The following NAMPT variants were observed in gnomAD, a reference collection of about 807,000 sequenced individuals.
The protein encoded by NAMPT is nicotinamide phosphoribosyltransferase, also known as NAmPRTase.
Under a neutral mutation model 58.7 loss-of-function variants are expected in NAMPT, and 7 were observed. The observed-to-expected ratio is 0.12, with a 90% CI of 0.07 to 0.22. NAMPT has a LOEUF of 0.22. NAMPT is among the 10% of genes least tolerant of loss of function. The pLI is 1.00. For missense variants in NAMPT, 271 were observed against 567.9 expected, an observed-to-expected ratio of 0.48 and a Z score of 5.31; for synonymous variants, 145 against 198.1, an observed-to-expected ratio of 0.73 and a Z score of 2.25.
intron 1 of NAMPT, among the ~76,000 whole-genome samples, chr7:106,277,479 AAGAG>A (rs1181266756): frequency 1.3e-5 from 2 of 152,152 alleles, no homozygotes; most frequent in South Asian, 4.1e-4. Context: ...CATCCAGGCG[AAGAG>A]AGAGAGAAGC....
chr7:106,271,595 C>CT (rs1474906979), intron 4 of NAMPT, among the ~76,000 whole-genome samples: 1 of 151,678 alleles, frequency 6.6e-6, no homozygotes, highest in Non-Finnish European at 1.5e-5. Flanking sequence ...TTAACTGTAC[C>CT]TTTTTTTTGA....
intron 6 of NAMPT, among the ~76,000 whole-genome samples, chr7:106,266,250 AG>A (rs1792405574): frequency 6.6e-6 from 1 of 152,242 alleles, no homozygotes; most frequent in African/African-American, 2.4e-5. Flanking sequence ...AATCAATATG[AG>A]ACCATAAAAA....
At chr7:106,258,660 G>GTT (rs1459684776) in intron 8 of NAMPT, among the ~76,000 whole-genome samples, 2 of 152,166 alleles carry the variant, frequency 1.3e-5, no homozygotes, top group East Asian at 3.9e-4. Flanking sequence ...GCATATAAAA[G>GTT]TTATGTTTAT....
upstream of NAMPT, chr7:106,285,550 C>T: frequency 1.0e-6 from 1 of 985,998 alleles, no homozygotes; most frequent in Middle Eastern, 5.2e-4. Context: ...CCTTTGTCTC[C>T]GGCCTGGATT....
At chr7:106,253,406 T>A in intron 9 of NAMPT, 1 of 377,650 alleles carries the variant, frequency 2.6e-6, no homozygotes. Flanking sequence ...TAATACTCCA[T>A]TTGTAGGAAG....
Position 106,261,611 on chromosome 7 carries a change from C to T in NAMPT, c.1066G>A (p.Val356Ile), listed in dbSNP as rs1178297020. Residue 356 changes from valine to isoleucine, a missense_variant, in exon 8 of 11, where the codon GTA becomes ATA. Around this residue, in one of 4 missense-constraint regions of NAMPT, gnomAD observed 143 missense variants for 331.1 expected, o/e 0.43. Coordinates refer to ENST00000222553, the MANE Select transcript of NAMPT (RefSeq NM_005746.3). ...PYLRVIQGDG[V>I]DINTLQEIVE... ...ACCTCTTGTAAGGTATTAATATCTA[C>T]TCCATCCCCTTGAATAACTCTAAGA... 39 of 1,584,290 alleles carry T rather than the reference C, an allele frequency of 2.5e-5. No homozygotes were observed. The highest frequency in any genetic ancestry group is 3.4e-5 in the Non-Finnish European group (39 of 1,153,254).
At chr7:106,253,887 G>A (rs1009470773) in intron 9 of NAMPT, among the ~76,000 whole-genome samples, 1 of 152,094 alleles carries the variant, frequency 6.6e-6, no homozygotes, top group Admixed American at 6.6e-5. Context: ...CTCTCAAGAC[G>A]TTACAAAGAA....
intron 9 of NAMPT, chr7:106,253,372 T>G: frequency 6.2e-6 from 3 of 481,404 alleles, no homozygotes; most frequent in Non-Finnish European, 1.1e-5. Context: ...ATCTTGGATA[T>G]CCTTTTTGCC....
intron 3 of NAMPT, 73 bp downstream of exon 3, chr7:106,274,873 A>G: frequency 9.9e-7 from 1 of 1,012,754 alleles, no homozygotes; most frequent in Non-Finnish European, 1.5e-6. Flanking sequence ...CAAAACAAAA[A>G]CAAATTCCTT....
rs1321955056 is a variant in NAMPT, at chr7:106,249,343, T to G, written c.*1740A>C. The G allele has an allele frequency of 2.6e-5, 4 of 152,534 alleles. No individual in the cohort carries two copies. The highest frequency in any genetic ancestry group is 6.6e-5 in the Admixed American group (1 of 15,258). 9.4% of individuals were successfully genotyped at this position (152,534 alleles called of 1,614,324 possible). A position where few individuals can be genotyped will look rare whatever the true frequency, so the allele number is the denominator to read the frequency against. On this transcript the variant is annotated 3_prime_UTR_variant, in exon 11 of 11. Transcript: ENST00000222553. The stretch of plus-strand genomic sequence containing the variant: ...AATGAAGATAACACTTCTAATTAGG[T>G]TATTCTAGTGATCATTTTCTCATGT...
chr7:106,254,978 CAA>C (rs1382271418), intron 8 of NAMPT, among the ~76,000 whole-genome samples: 1 of 152,062 alleles, frequency 6.6e-6, no homozygotes, highest in East Asian at 1.9e-4. Flanking sequence ...ATGTAAGAAT[CAA>C]AGATATTGGT....
chr7:106,276,514 T>C (rs1457302200), intron 2 of NAMPT: 1 of 153,098 alleles, frequency 6.5e-6, no homozygotes, highest in Admixed American at 6.5e-5. Context: ...AAGATTAGCC[T>C]CCAAAAATTA....
intron 10 of NAMPT, 114 bp downstream of exon 10, chr7:106,252,903 T>A (rs1209851770): frequency 2.3e-6 from 3 of 1,305,484 alleles, no homozygotes; most frequent in Non-Finnish European, 2.1e-6. Context: ...CATTTTATAA[T>A]AAAATATAAT....
chr7:106,268,022 A>C (rs973562638), intron 6 of NAMPT, among the ~76,000 whole-genome samples: 2 of 151,982 alleles, frequency 1.3e-5, no homozygotes, highest in Non-Finnish European at 2.9e-5. Context: ...TTCTTTCCTC[A>C]ACAGGTCCTG....
At chr7:106,265,567 TAAA>T (rs35685666) in intron 6 of NAMPT, among the ~76,000 whole-genome samples, 6 of 116,458 alleles carry the variant, frequency 5.2e-5, no homozygotes, top group South Asian at 2.7e-4. Flanking sequence ...CTCAAAAGCT[TAAA>T]AAAAAAAAAA....
At chr7:106,273,472 T>C (rs879834493) in intron 3 of NAMPT, among the ~76,000 whole-genome samples, 5 of 152,178 alleles carry the variant, frequency 3.3e-5, no homozygotes, top group African/African-American at 4.8e-5. Context: ...GCACAGTGTA[T>C]AGCAAAAAGA....
At chr7:106,258,679 G>A (rs1191818604) in intron 8 of NAMPT, among the ~76,000 whole-genome samples, 2 of 152,094 alleles carry the variant, frequency 1.3e-5, no homozygotes, top group African/African-American at 2.4e-5. Context: ...ATACTACATT[G>A]TAGTCTATTA....
intron 1 of NAMPT, among the ~76,000 whole-genome samples, chr7:106,279,047 T>C (rs1792704935): frequency 6.6e-6 from 1 of 152,144 alleles, no homozygotes; most frequent in African/African-American, 2.4e-5. Flanking sequence ...ACTCTGTATC[T>C]TGGTCTAAAA....
At chr7:106,272,747 A>C in intron 3 of NAMPT, 89 bp from the exon 4 acceptor site, 1 of 1,416,188 alleles carries the variant, frequency 7.1e-7, no homozygotes, top group South Asian at 1.2e-5. Flanking sequence ...GTTTTATAGA[A>C]GCTAAATTTA....
Sources: gnomAD v4.1 joint callset for allele counts (sites outside exome capture counted in the v4.1 genomes callset) on GRCh38, gnomAD v4.1.1 for gene constraint, gnomAD v4.1.1 regional missense constraint, MANE v1.5 for transcripts, NCBI Gene and HGNC (gene_info 2026-07-23, HGNC 2026-07-21) for gene names.